Variants in EXOC6B observed in about 807,000 individuals in gnomAD.
The protein encoded by EXOC6B is SEC15 homolog B.
Under a neutral mutation model 113.5 loss-of-function variants are expected in EXOC6B, and 54 were observed. The ratio of observed to expected loss-of-function variants is 0.48; its 90% CI spans 0.38 to 0.60. The LOEUF (loss-of-function observed/expected upper bound fraction) is 0.60. EXOC6B is among the 20% of genes least tolerant of loss of function. The pLI is 0.00. For synonymous variants in EXOC6B, 357 were observed against 339.0 expected (o/e 1.05, Z -0.58); for missense variants, 797 against 977.5 (o/e 0.82, Z 2.46).
intron 6 of EXOC6B, among the ~76,000 whole-genome samples, chr2:72,618,350 C>T (rs749691595): frequency 6.6e-5 from 10 of 151,988 alleles, no homozygotes; most frequent in African/African-American, 1.9e-4. Context: ...GCCTGGGTGA[C>T]GAGAGTGAAA....
chr2:72,630,916 G>A (rs146036467), intron 6 of EXOC6B, among the ~76,000 whole-genome samples: 16 of 152,226 alleles, frequency 1.1e-4, no homozygotes, highest in African/African-American at 3.9e-4. Context: ...GTAGTGACAC[G>A]GTAGTCAACT....
At chr2:72,427,567 GC>G (rs1354874461) in intron 18 of EXOC6B, among the ~76,000 whole-genome samples, 1 of 152,156 alleles carries the variant, frequency 6.6e-6, no homozygotes, top group African/African-American at 2.4e-5. Context: ...TGCTGCCTTG[GC>G]CCCCTCTGGA....
chr2:72,367,438 C>T (rs976031183), intron 19 of EXOC6B, among the ~76,000 whole-genome samples: 6 of 152,044 alleles, frequency 3.9e-5, no homozygotes, highest in Admixed American at 3.3e-4. Flanking sequence ...CTGAAAATTA[C>T]ATTCAGGAGG....
chr2:72,401,532 T>C (rs1370376621), intron 18 of EXOC6B, among the ~76,000 whole-genome samples: 2 of 32,290 alleles, frequency 6.2e-5, no homozygotes, highest in Non-Finnish European at 4.6e-5. Context: ...TACATATATA[T>C]ATATATATAT....
intron 19 of EXOC6B, among the ~76,000 whole-genome samples, chr2:72,344,458 T>G (rs1384852784): frequency 6.6e-6 from 1 of 152,188 alleles, no homozygotes; most frequent in East Asian, 1.9e-4. Flanking sequence ...TTTACTTTTT[T>G]TTTTTGCTTG....
At chr2:72,515,555 A>G (rs754740306) in intron 8 of EXOC6B, 356 of 1,004,752 alleles carry the variant, frequency 3.5e-4, no homozygotes, top group Non-Finnish European at 4.0e-4. Context: ...GGGAAGCAGG[A>G]AAAAAGCAGG....
intron 11 of EXOC6B, among the ~76,000 whole-genome samples, chr2:72,511,463 A>T (rs537861194): frequency 5.3e-5 from 8 of 152,166 alleles, no homozygotes; most frequent in African/African-American, 1.2e-4. Flanking sequence ...GAATTCAACC[A>T]TATCTCTCAA....
chr2:72,288,813 G>T, intron 20 of EXOC6B: 1 of 183,776 alleles, frequency 5.4e-6, no homozygotes, highest in Non-Finnish European at 1.1e-5. Context: ...TTCTTATTAG[G>T]CTGTGCTCCA....
At chr2:72,189,478 A>AACATC in intron 20 of EXOC6B, among the ~76,000 whole-genome samples, 1 of 152,286 alleles carries the variant, frequency 6.6e-6, no homozygotes, top group East Asian at 1.9e-4. Flanking sequence ...GATTTCTTCC[A>AACATC]ACATCTGGTT....
At chr2:72,317,559 T>TCACACACACACACACACACACACACA (rs72124979) in intron 20 of EXOC6B, among the ~76,000 whole-genome samples, 3 of 140,600 alleles carry the variant, frequency 2.1e-5, no homozygotes, top group African/African-American at 7.7e-5. Flanking sequence ...TATGAACACA[T>TCACACACACACACACACACACACACA]CACACACACA....
Position 72,718,200 on chromosome 2 carries a change from C to T in EXOC6B, c.572G>A (p.Arg191Gln), listed in dbSNP as rs1335077421. The T allele has an allele frequency of 1.7e-5, 28 of 1,613,798 alleles. No homozygotes were observed. Among genetic ancestry groups the T allele is most frequent in the East Asian group, 2.2e-5 (1 of 44,872 alleles). Residue 191 changes from arginine to glutamine, a missense_variant, in exon 6 of 22, where the codon CGA (arginine) becomes CAA (glutamine). Physicochemically the swap from Arg to Gln is conservative, Grantham distance 43. Coordinates refer to ENST00000272427, the MANE Select transcript of EXOC6B (RefSeq NM_015189.3). ...KVMVDNIPKLREEIKDVSMSD... is the reference protein window; with the variant it reads ...KVMVDNIPKLQEEIKDVSMSD... ...CATAGAAACATCTTTTATTTCTTCT[C>T]GAAGCTTGGGGATGTTGTCCACCAT...
At chr2:72,353,264 C>T (rs1689763784) in intron 19 of EXOC6B, among the ~76,000 whole-genome samples, 1 of 152,044 alleles carries the variant, frequency 6.6e-6, no homozygotes, top group African/African-American at 2.4e-5. Context: ...GTTCTTTCTA[C>T]TGGCTCATTT....
At chr2:72,245,626 A>C (rs1390281843) in intron 20 of EXOC6B, among the ~76,000 whole-genome samples, 1 of 152,202 alleles carries the variant, frequency 6.6e-6, no homozygotes, top group Admixed American at 6.5e-5. Context: ...CTATGAAGAC[A>C]GTAGTTGCCA....
rs1288504448 is a variant in EXOC6B at position 72,639,553 on chromosome 2, C to CGTTT, written c.670-63886_670-63885insAAAC. On this transcript the variant is annotated intron_variant, in intron 6 of 21. Coordinates refer to ENST00000272427, the MANE Select transcript of EXOC6B (RefSeq NM_015189.3). ...GCTGCTGCTGCCATCCATGTGCAAA[C>CGTTT]AAGGACAAATCCCACTGTCACTGCA... Among the ~76,000 whole-genome samples the CGTTT allele has an allele frequency of 2.0e-5, 3 of 152,334 alleles. No individual in the cohort carries two copies. In the East Asian group the frequency reaches 5.8e-4, roughly 29 times the overall value.
At chr2:72,309,108 A>G (rs886447848) in intron 20 of EXOC6B, among the ~76,000 whole-genome samples, 3 of 152,124 alleles carry the variant, frequency 2.0e-5, no homozygotes, top group African/African-American at 4.8e-5. Context: ...GTTGCTTTCT[A>G]TACCAATCAA....
At position 72,514,605 on chromosome 2, in the gene EXOC6B, A is replaced by AAT. The variant is rs58454184; in HGVS notation, c.1046+27_1046+28dup. ...AAATAAATAAATAAATAAATAAATA[A>AAT]ATATATATATATATATATATATACC... On this transcript the variant is annotated intron_variant, in intron 10 of 21. Transcript: ENST00000272427. 4.4e-3 allele frequency: 673 copies of AAT among 151,442 alleles called. 1 individual carries two copies. The highest frequency in any genetic ancestry group is 8.4e-3 in the African/African-American group (222 of 26,340). 9.4% of individuals were successfully genotyped at this position (151,442 alleles called of 1,614,324 possible). A position where few individuals can be genotyped will look rare whatever the true frequency, so the allele number is the denominator to read the frequency against.
At chr2:72,315,613 G>A (rs979532858) in intron 20 of EXOC6B, among the ~76,000 whole-genome samples, 1 of 152,150 alleles carries the variant, frequency 6.6e-6, no homozygotes, top group Non-Finnish European at 1.5e-5. Context: ...GTTAAAAGTG[G>A]TTGGTTTCTG....
At chr2:72,607,144 A>AT (rs1012688347) in intron 6 of EXOC6B, among the ~76,000 whole-genome samples, 1 of 152,118 alleles carries the variant, frequency 6.6e-6, no homozygotes, top group African/African-American at 2.4e-5. Flanking sequence ...AACAAAGACA[A>AT]TTTTTTTAAG....
At chr2:72,446,578 C>A (rs1197428760) in intron 18 of EXOC6B, among the ~76,000 whole-genome samples, 1 of 152,072 alleles carries the variant, frequency 6.6e-6, no homozygotes, top group African/African-American at 2.4e-5. Context: ...GACAAGAACT[C>A]ATGAACACAA....
Sources: gnomAD v4.1 joint callset for allele counts (sites outside exome capture counted in the v4.1 genomes callset) on GRCh38, gnomAD v4.1.1 for gene constraint, MANE v1.5 for transcripts, NCBI Gene and HGNC (gene_info 2026-07-23, HGNC 2026-07-21) for gene names.